Variants in SYT17 observed in about 807,000 individuals in gnomAD.
SYT17 encodes synaptotagmin-17.
SYT17 carries 22 observed loss-of-function variants against 46.7 expected under a neutral mutation model. The observed-to-expected ratio is 0.47, with a 90% CI of 0.34 to 0.67. The LOEUF (loss-of-function observed/expected upper bound fraction) is 0.67, where lower values mean the gene tolerates loss of function less well. Among genes scored for constraint, SYT17 ranks in the 30% least tolerant of loss-of-function variants. SYT17 has a pLI of 0.01. For missense variants in SYT17, 519 were observed against 612.8 expected (o/e 0.85, Z 1.62); for synonymous variants, 251 against 248.4 (o/e 1.01, Z -0.10).
intron 7 of SYT17, among the ~76,000 whole-genome samples, chr16:19,253,641 TAAGAAAAGAA>T (rs138255396): frequency 2.0e-5 from 3 of 151,144 alleles, no homozygotes; most frequent in African/African-American, 2.4e-5. Context: ...CCCTGCTTCT[TAAGAAAAGAA>T]AAGAAAAAAG....
chr16:19,178,546 C>T (rs938122440), intron 3 of SYT17, among the ~76,000 whole-genome samples: 1 of 152,184 alleles, frequency 6.6e-6, no homozygotes, highest in African/African-American at 2.4e-5. Flanking sequence ...CCCACCTCAG[C>T]CTCCCAAAGT....
intron 5 of SYT17, among the ~76,000 whole-genome samples, chr16:19,201,506 A>G (rs140289527): frequency 4.3e-4 from 65 of 152,186 alleles, no homozygotes; most frequent in African/African-American, 1.5e-3. Flanking sequence ...TGACACTGGA[A>G]AAAGTGGGGA....
chr16:19,236,214 G>A (rs1966845738), intron 7 of SYT17, among the ~76,000 whole-genome samples: 1 of 152,128 alleles, frequency 6.6e-6, no homozygotes, highest in South Asian at 2.1e-4. Flanking sequence ...TGTGACTGTG[G>A]GCAAGTTGCT....
intron 7 of SYT17, among the ~76,000 whole-genome samples, chr16:19,240,780 C>A (rs536438105): frequency 6.6e-6 from 1 of 152,180 alleles, no homozygotes; most frequent in Non-Finnish European, 1.5e-5. Context: ...GAGGCACCTG[C>A]AGGCCAGTGG....
chr16:19,189,683 C>T (rs1964936745), intron 5 of SYT17, among the ~76,000 whole-genome samples: 1 of 152,146 alleles, frequency 6.6e-6, no homozygotes, highest in Non-Finnish European at 1.5e-5. Context: ...CTAACATCTG[C>T]CTTCACCAAA....
intron 5 of SYT17, among the ~76,000 whole-genome samples, chr16:19,210,866 G>A (rs1357857133): frequency 6.6e-6 from 1 of 152,206 alleles, no homozygotes; most frequent in South Asian, 2.1e-4. Context: ...GAGAGAGAGC[G>A]AAAGGACCAT....
At chr16:19,197,689 G>A (rs1397480499) in intron 5 of SYT17, among the ~76,000 whole-genome samples, 3 of 152,144 alleles carry the variant, frequency 2.0e-5, no homozygotes, top group Non-Finnish European at 4.4e-5. Flanking sequence ...GTCTCCCAAA[G>A]TGCAAGGATT....
In SYT17 at chr16:19,173,415, C is replaced by T. The variant is rs769498643; in HGVS notation, c.34-15C>T. 6 of 1,517,144 alleles carry T rather than the reference C, an allele frequency of 4.0e-6. No individual in the cohort carries two copies. The South Asian group carries it at 6.0e-5, about 15-fold the overall frequency. The allele number at this position is 1,517,144 out of a possible 1,614,324, so 94.0% of individuals were successfully genotyped here. On this transcript the variant is annotated splice_polypyrimidine_tract_variant and intron_variant, in intron 2 of 7. Coordinates refer to ENST00000355377, the MANE Select transcript of SYT17 (RefSeq NM_016524.4). ...TCTCCCCCATCCCCCCGCCCACCTC[C>T]CCCAATGGCCTCAGGGTTTTCTTTC...
intron 7 of SYT17, among the ~76,000 whole-genome samples, chr16:19,247,549 T>A (rs968240240): frequency 2.0e-5 from 3 of 152,206 alleles, no homozygotes; most frequent in African/African-American, 7.2e-5. Flanking sequence ...CAATTTTTAC[T>A]TTGTTGTGTC....
At chr16:19,200,609 C>A (rs2239979) in intron 5 of SYT17, among the ~76,000 whole-genome samples, 34,368 of 152,122 alleles carry the variant, frequency 0.23, 4,332 homozygotes, top group Middle Eastern at 0.3. Context: ...GTCACTCCCT[C>A]TTCATTTCTC....
At chr16:19,246,050 G>A (rs1967533707) in intron 7 of SYT17, among the ~76,000 whole-genome samples, 2 of 151,172 alleles carry the variant, frequency 1.3e-5, no homozygotes, top group South Asian at 4.2e-4. Flanking sequence ...CTGTCATCCG[G>A]GCTGGAGTCC....
At chr16:19,191,233 T>C (rs1415070638) in intron 5 of SYT17, among the ~76,000 whole-genome samples, 1 of 151,494 alleles carries the variant, frequency 6.6e-6, no homozygotes, top group Non-Finnish European at 1.5e-5. Flanking sequence ...TATGCCGAAA[T>C]GTGTATGGGT....
chr16:19,224,247 T>C (rs940062470), intron 6 of SYT17, among the ~76,000 whole-genome samples: 3 of 152,168 alleles, frequency 2.0e-5, no homozygotes, highest in Non-Finnish European at 4.4e-5. Flanking sequence ...TAAAAACTGA[T>C]TTCTCACCTT....
At chr16:19,231,839 T>A (rs1966704063) in intron 7 of SYT17, among the ~76,000 whole-genome samples, 2 of 152,188 alleles carry the variant, frequency 1.3e-5, no homozygotes, top group African/African-American at 4.8e-5. Context: ...CTCATGGAGC[T>A]TAATTCTAGT....
intron 5 of SYT17, among the ~76,000 whole-genome samples, chr16:19,188,513 C>CAAAAAAAAAAAAAAAAAA (rs61202540): frequency 1.1e-3 from 71 of 64,556 alleles, no homozygotes; most frequent in African/African-American, 1.7e-3. Context: ...TTCAGTTCTG[C>CAAAAAAAAAAAAAAAAAA]AAAAAAAAAA....
Position 19,180,472 on chromosome 16 carries a change from C to T in SYT17, c.264C>T (p.Ser88=). 1 of 1,614,194 alleles carries T rather than the reference C, an allele frequency of 6.2e-7. No homozygotes were observed. The highest frequency in any genetic ancestry group is 8.5e-7 in the Non-Finnish European group (1 of 1,180,026). ...TCCCGCTGACCCCACGGACCAATTC[C>T]CCGGATGGAAGACGCTCGTCCTCAG... ...SEVPLTPRTN[S]PDGRRSSSDT... is the part of the protein sequence containing the mutation. Residue 88 remains serine (S), a synonymous_variant, in exon 4 of 8, where the codon TCC becomes TCT. Transcript: ENST00000355377.
At chr16:19,254,788 C>T (rs1045397175) in intron 7 of SYT17, among the ~76,000 whole-genome samples, 3 of 152,188 alleles carry the variant, frequency 2.0e-5, no homozygotes, top group Admixed American at 6.5e-5. Context: ...AAGCACGTTG[C>T]TTTATAGTGA....
At chr16:19,264,084 G>A (rs1969191365) in intron 7 of SYT17, among the ~76,000 whole-genome samples, 1 of 152,186 alleles carries the variant, frequency 6.6e-6, no homozygotes, top group Admixed American at 6.5e-5. Flanking sequence ...TCCACCATGT[G>A]GGGACTCAGT....
At chr16:19,201,387 G>C (rs893129766) in intron 5 of SYT17, among the ~76,000 whole-genome samples, 7 of 152,098 alleles carry the variant, frequency 4.6e-5, no homozygotes, top group African/African-American at 1.7e-4. Flanking sequence ...CTCAAACCTT[G>C]TCGTCAGATA....
Sources: allele counts gnomAD v4.1 joint callset (sites outside exome capture counted in the v4.1 genomes callset), GRCh38; gene constraint gnomAD v4.1.1; transcripts MANE v1.5; gene names NCBI Gene and HGNC (gene_info 2026-07-23, HGNC 2026-07-21).